The following CDYL variants were observed in gnomAD, a reference collection of about 807,000 sequenced individuals.
CDYL encodes chromodomain Y-like protein.
In CDYL, 8 loss-of-function variants were observed where a neutral mutation model predicts 47.3. The observed-to-expected ratio is 0.17, with a 90% CI of 0.10 to 0.31. The LOEUF is 0.31. Among genes scored for constraint, CDYL ranks in the 10% least tolerant of loss-of-function variants. The pLI, the probability that CDYL is intolerant of heterozygous loss-of-function variation, is 1.00. For missense variants in CDYL, 471 were observed against 701.4 expected (o/e 0.67, Z 3.71); for synonymous variants, 266 against 265.0 (o/e 1.00, Z -0.04).
chr6:4,946,532 A>T (rs1157935897), intron 5 of CDYL, among the ~76,000 whole-genome samples: 1 of 151,966 alleles, frequency 6.6e-6, no homozygotes, highest in Non-Finnish European at 1.5e-5. Flanking sequence ...GAGTCCCCCC[A>T]TGGCTGTAGG....
chr6:4,950,440 G>T (rs887936280), intron 5 of CDYL, among the ~76,000 whole-genome samples: 18 of 152,174 alleles, frequency 1.2e-4, no homozygotes, highest in Non-Finnish European at 1.2e-4. Context: ...GGAAAACCCC[G>T]ACAGCACAGA....
intron 2 of CDYL, among the ~76,000 whole-genome samples, chr6:4,904,461 C>T (rs1213891985): frequency 2.0e-5 from 3 of 152,178 alleles, no homozygotes; most frequent in Non-Finnish European, 4.4e-5. Flanking sequence ...ATTTTCTGGA[C>T]GATGTATTTG....
At chr6:4,787,740 G>A (rs577336047) in intron 1 of CDYL, among the ~76,000 whole-genome samples, 22 of 151,018 alleles carry the variant, frequency 1.5e-4, no homozygotes, top group African/African-American at 4.4e-4. Flanking sequence ...GTGGAGGTGC[G>A]GACAGGCTGC....
intron 1 of CDYL, among the ~76,000 whole-genome samples, chr6:4,795,638 C>A (rs1042452763): frequency 2.6e-5 from 4 of 150,982 alleles, no homozygotes; most frequent in Admixed American, 2.6e-4. Flanking sequence ...ACTTAAACAT[C>A]TATACTGGCT....
chr6:4,899,126 A>G (rs1291067751), intron 2 of CDYL, among the ~76,000 whole-genome samples: 2 of 152,206 alleles, frequency 1.3e-5, no homozygotes, highest in Admixed American at 1.3e-4. Flanking sequence ...AAATCATTCA[A>G]TGTAGTTTTC....
chr6:4,915,133 T>C (rs1321442140), intron 2 of CDYL, among the ~76,000 whole-genome samples: 2 of 152,238 alleles, frequency 1.3e-5, no homozygotes, highest in Admixed American at 6.5e-5. Flanking sequence ...CCCCACTGTT[T>C]AGTCACACTG....
rs374594072 is a variant in CDYL, at chr6:4,755,262, G to A, written c.186+20418G>A. ...TTTTTTGTATTTTTAGTTGAGACGG[G>A]GTTTCCCCCTGTTGGCCAGGCTGGT... On this transcript the variant is annotated intron_variant, in intron 3 of 8. Transcript: ENST00000328908. 9.9e-5 allele frequency among the ~76,000 whole-genome samples: 15 copies of A among 151,632 alleles called. No homozygotes were observed. In the East Asian group the frequency reaches 1.2e-3, roughly 12 times the overall value.
intron 2 of CDYL, among the ~76,000 whole-genome samples, chr6:4,928,202 A>T (rs183957812): frequency 6.6e-6 from 1 of 152,278 alleles, no homozygotes; most frequent in East Asian, 1.9e-4. Flanking sequence ...AAGAGAAATC[A>T]CTTTACAGTG....
In CDYL at chr6:4,768,806, A is replaced by G. The variant is rs1459283503; in HGVS notation, c.186+33962A>G. Among the ~76,000 whole-genome samples, 7 of 152,266 alleles carry G rather than the reference A, an allele frequency of 4.6e-5. No individual in the cohort carries two copies. In the South Asian group the frequency reaches 6.2e-4, roughly 14 times the overall value. ...AGTGCAGAAATCTGACAAGCACTGT[A>G]TTTGCTAGGTGATCAAGGTCAACAT... is the stretch of plus-strand genomic sequence containing the variant. On this transcript the variant is annotated intron_variant, in intron 3 of 8. Transcript: ENST00000328908.
chr6:4,713,103 T>TG (rs1554131038), intron 1 of CDYL, among the ~76,000 whole-genome samples: 1 of 152,138 alleles, frequency 6.6e-6, no homozygotes, highest in Non-Finnish European at 1.5e-5. Context: ...CGTGACCACA[T>TG]GAGGGGGTCG....
At chr6:4,763,176 G>A (rs552642732) in intron 3 of CDYL, among the ~76,000 whole-genome samples, 2 of 152,282 alleles carry the variant, frequency 1.3e-5, no homozygotes, top group Non-Finnish European at 2.9e-5. Context: ...TTCTATACCA[G>A]CTGATATAGC....
rs1273628407 is a variant in CDYL at position 4,954,223 on chromosome 6, G to T, written c.*167G>T. 4 of 602,824 alleles carry T rather than the reference G, an allele frequency of 6.6e-6. No individual in the cohort carries two copies. The highest frequency in any genetic ancestry group is 1.1e-5 in the Non-Finnish European group (4 of 368,070). 37.3% of individuals were successfully genotyped at this position (602,824 alleles called of 1,614,324 possible). A position where few individuals can be genotyped will look rare whatever the true frequency, so the allele number is the denominator to read the frequency against. On this transcript the variant is annotated 3_prime_UTR_variant, in exon 7 of 7. Transcript: ENST00000397588. Reference sequence around the variant, plus strand: ...CTATTTATTATCGAGGAGTTTTAAAGTACTGTAACTTTAAAATAAATAACT... The same window carrying T: ...CTATTTATTATCGAGGAGTTTTAAATTACTGTAACTTTAAAATAAATAACT...
At chr6:4,848,569 TC>T (rs1310169961) in intron 1 of CDYL, among the ~76,000 whole-genome samples, 1 of 151,940 alleles carries the variant, frequency 6.6e-6, no homozygotes, top group African/African-American at 2.4e-5. Context: ...CAGGAGAGAG[TC>T]TGCACTGCAT....
intron 2 of CDYL, among the ~76,000 whole-genome samples, chr6:4,899,442 T>G (rs905093642): frequency 6.6e-6 from 1 of 152,132 alleles, no homozygotes; most frequent in African/African-American, 2.4e-5. Flanking sequence ...GATGATAAAT[T>G]GCGGAGAAGT....
chr6:4,769,865 C>G lies in CDYL; in HGVS notation c.186+35021C>G, dbSNP rs374589004. Among the ~76,000 whole-genome samples, 3 of 152,238 alleles carry G rather than the reference C, an allele frequency of 2.0e-5. No individual in the cohort carries two copies. In the East Asian group the frequency reaches 5.8e-4, roughly 29 times the overall value. On this transcript the variant is annotated intron_variant, in intron 3 of 8. Transcript: ENST00000328908. Reference sequence around the variant, plus strand: ...AGGCTGGAGTGCAGTGGCGCGATCTCGGCTCACTGCAAGCTCCGCCTCCAG... The same window carrying G: ...AGGCTGGAGTGCAGTGGCGCGATCTGGGCTCACTGCAAGCTCCGCCTCCAG...
chr6:4,776,730 G>A lies in CDYL; in HGVS notation c.-54G>A, dbSNP rs1378021965. Reference sequence around the variant, plus strand: ...ACTGAAACAAAGTGTCGGCCGCCCGGCGCCGGCGCCCGCCCCGACCCTGCC... The same window carrying A: ...ACTGAAACAAAGTGTCGGCCGCCCGACGCCGGCGCCCGCCCCGACCCTGCC... On this transcript the variant is annotated 5_prime_UTR_variant, in exon 1 of 7. Coordinates refer to ENST00000397588, the MANE Select transcript of CDYL (RefSeq NM_004824.4). 2.0e-4 allele frequency: 254 copies of A among 1,272,304 alleles called. 1 individual carries two copies. Among genetic ancestry groups the A allele is most frequent in the Non-Finnish European group, 2.4e-4 (241 of 987,048 alleles). 78.8% of individuals were successfully genotyped at this position (1,272,304 alleles called of 1,614,324 possible).
At chr6:4,918,376 C>T (rs12197449) in intron 2 of CDYL, among the ~76,000 whole-genome samples, 5,702 of 150,314 alleles carry the variant, frequency 0.038, 148 homozygotes, top group South Asian at 0.059. Flanking sequence ...TCTGCCCCCC[C>T]CCCTTTTTTT....
intron 1 of CDYL, among the ~76,000 whole-genome samples, chr6:4,857,750 C>A (rs142677803): frequency 6.6e-6 from 1 of 152,280 alleles, no homozygotes; most frequent in African/African-American, 2.4e-5. Flanking sequence ...TCTTGCCATG[C>A]GCTTCTCAGA....
chr6:4,767,666 C>T (rs984091384), intron 3 of CDYL, among the ~76,000 whole-genome samples: 2 of 151,958 alleles, frequency 1.3e-5, no homozygotes, highest in Admixed American at 6.6e-5. Flanking sequence ...TTAAATAGGC[C>T]TACAAAATTC....
Sources: allele counts gnomAD v4.1 joint callset (sites outside exome capture counted in the v4.1 genomes callset), GRCh38; gene constraint gnomAD v4.1.1; transcripts MANE v1.5; gene names NCBI Gene and HGNC (gene_info 2026-07-23, HGNC 2026-07-21).